Variants in FNBP4 observed in about 807,000 individuals in gnomAD.
The protein encoded by FNBP4 is formin-binding protein 4.
Under a neutral mutation model 119.3 loss-of-function variants are expected in FNBP4, and 34 were observed. That is an observed-to-expected ratio of 0.28 (90% CI 0.22 to 0.38). FNBP4 has a LOEUF of 0.38. FNBP4 is among the 10% of genes least tolerant of loss of function. The pLI, the probability that FNBP4 is intolerant of heterozygous loss-of-function variation, is 1.00. For synonymous variants in FNBP4, 462 were observed against 430.6 expected, an observed-to-expected ratio of 1.07 and a Z score of -0.90; for missense variants, 1,112 against 1,228.9, an observed-to-expected ratio of 0.90 and a Z score of 1.42.
intron 8 of FNBP4, among the ~76,000 whole-genome samples, chr11:47,740,497 C>T (rs2097580403): frequency 6.6e-6 from 1 of 151,580 alleles, no homozygotes; most frequent in Non-Finnish European, 1.5e-5. Context: ...TCTCTGCCAT[C>T]ACAGCCACAC....
At chr11:47,766,761 C>A (rs2097648485) in intron 1 of FNBP4, among the ~76,000 whole-genome samples, 1 of 152,278 alleles carries the variant, frequency 6.6e-6, no homozygotes, top group East Asian at 1.9e-4. Context: ...CCACCCTCTG[C>A]GTTACCCAAA....
At chr11:47,749,155 T>C (rs2097596735) in intron 6 of FNBP4, among the ~76,000 whole-genome samples, 1 of 152,042 alleles carries the variant, frequency 6.6e-6, no homozygotes, top group Admixed American at 6.6e-5. Flanking sequence ...ACACCTGTAG[T>C]CCCAGCTACT....
chr11:47,721,230 C>T (rs572318898), intron 15 of FNBP4, among the ~76,000 whole-genome samples: 5 of 149,718 alleles, frequency 3.3e-5, no homozygotes, highest in East Asian at 3.9e-4. Context: ...TCAGCCTGGG[C>T]GACAGAGCAA....
chr11:47,748,253 TAATAAAAATAAAA>T (rs1369479584), intron 6 of FNBP4, among the ~76,000 whole-genome samples: 106 of 150,236 alleles, frequency 7.1e-4, no homozygotes, highest in African/African-American at 2.5e-3. Context: ...AAAAAAAAAA[TAATAAAAATAAAA>T]AATAAAAATA....
At chr11:47,764,509 C>A (rs1236312546) in intron 2 of FNBP4, among the ~76,000 whole-genome samples, 1 of 150,816 alleles carries the variant, frequency 6.6e-6, no homozygotes, top group Non-Finnish European at 1.5e-5. Context: ...CTAACCCACA[C>A]TGGGGTGTTT....
At chr11:47,729,195 C>T (rs2097564686) in intron 12 of FNBP4, 1 of 985,132 alleles carries the variant, frequency 1.0e-6, no homozygotes, top group African/African-American at 1.7e-5. Context: ...CCTTAATTTT[C>T]CCCCCAAAGA....
In FNBP4 at chr11:47,729,208, AATT is replaced by A. The variant is rs1200785126; in HGVS notation, c.2008+2163_2008+2165del. On this transcript the variant is annotated intron_variant, in intron 12 of 16. Coordinates refer to ENST00000263773, the MANE Select transcript of FNBP4 (RefSeq NM_015308.5). ...TTCCTTAATTTTCCCCCCAAAGAGA[AATT>A]ATTGTTTAGTATTTTGAATGAAGAG... is the stretch of plus-strand genomic sequence containing the variant. The A allele has an allele frequency of 5.1e-6, 5 of 985,234 alleles. No homozygotes were observed. In the African/African-American group the frequency reaches 8.7e-5, roughly 17 times the overall value. 61.0% of individuals were successfully genotyped at this position (985,234 alleles called of 1,614,324 possible).
Position 47,720,033 on chromosome 11 carries a change from G to A in FNBP4, c.2859C>T (p.Ile953=). Residue 953 remains isoleucine, a synonymous_variant, in exon 16 of 17, where the codon ATC becomes ATT. Transcript: ENST00000263773. ...TGTCCTCTTCATCTAACTCACGCTG[G>A]ATACTCTGCCACTTTTTTACCAAAG... ...MPSLVKKWQS[I]QRELDEEDNS... is the part of the protein sequence containing the mutation. 6.2e-7 allele frequency: 1 copy of A among 1,614,004 alleles called. No individual in the cohort carries two copies. Among genetic ancestry groups the A allele is most frequent in the South Asian group, 1.1e-5 (1 of 91,080 alleles).
chr11:47,734,075 T>C lies in FNBP4; in HGVS notation c.1636A>G (p.Ile546Val). The C allele has an allele frequency of 6.3e-7, 1 of 1,597,874 alleles. No homozygotes were observed. Among genetic ancestry groups the C allele is most frequent in the Non-Finnish European group, 8.5e-7 (1 of 1,176,554 alleles). Residue 546 changes from isoleucine to valine, a missense_variant, in exon 10 of 17, where the codon ATT becomes GTT. Around this residue, in one of 2 missense-constraint regions of FNBP4, gnomAD observed 826 missense variants for 988.8 expected, o/e 0.84. Transcript: ENST00000263773. ...TLTSKFEFLG[I>V]NRQSISNFHV... is the part of the protein sequence containing the mutation. ...AAGTTGGAGATGGATTGTCTATTAA[T>C]GCCTAGAAACTCGAATTTACTTGTC...
At chr11:47,733,835 G>T (rs779289588) in intron 10 of FNBP4, among the ~76,000 whole-genome samples, 190 bp downstream of exon 10, 11 of 151,968 alleles carry the variant, frequency 7.2e-5, no homozygotes, top group Non-Finnish European at 1.5e-4. Context: ...TTTAATTTGT[G>T]AGAAAAAAGT....
At chr11:47,755,444 C>T (rs375141215) in intron 2 of FNBP4, among the ~76,000 whole-genome samples, 5 of 151,512 alleles carry the variant, frequency 3.3e-5, no homozygotes, top group South Asian at 4.1e-4. Flanking sequence ...AGTGAAAATC[C>T]GTCTCAAAAT....
intron 9 of FNBP4, 44 bp downstream of exon 9, chr11:47,736,572 A>G (rs756425478): frequency 1.4e-6 from 2 of 1,468,574 alleles, no homozygotes; most frequent in Admixed American, 4.1e-5. Flanking sequence ...AATAATGATA[A>G]TAATAATAAA....
At position 47,767,153 on chromosome 11, in the gene FNBP4, G is replaced by A. The variant is rs2097649436; in HGVS notation, c.136C>T (p.Pro46Ser). Residue 46 changes from proline to serine, a missense_variant, in exon 1 of 17, where the codon CCC (proline) becomes TCC (serine). By Grantham distance (74) the Pro-to-Ser change is moderately conservative. Around this residue, in one of 2 missense-constraint regions of FNBP4, gnomAD observed 286 missense variants for 240.1 expected, o/e 1.19. Coordinates refer to ENST00000263773, the MANE Select transcript of FNBP4 (RefSeq NM_015308.5). Reference protein sequence around the residue: ...DTEPDSTAAVPSQPAPSAATT... With the variant: ...DTEPDSTAAVSSQPAPSAATT... Reference sequence around the variant, plus strand: ...GCCGCCGACGGGGCGGGCTGGCTGGGGACCGCCGCGGTTGAGTCCGGCTCA... The same window carrying A: ...GCCGCCGACGGGGCGGGCTGGCTGGAGACCGCCGCGGTTGAGTCCGGCTCA... 6.5e-7 allele frequency: 1 copy of A among 1,546,684 alleles called. No homozygotes were observed. The highest frequency in any genetic ancestry group is 8.7e-7 in the Non-Finnish European group (1 of 1,151,306).
rs772426336 is a variant in FNBP4, at chr11:47,717,324, C to T, written c.*98G>A. 1.8e-5 allele frequency: 14 copies of T among 761,944 alleles called. No individual in the cohort carries two copies. Among genetic ancestry groups the T allele is most frequent in the African/African-American group, 3.5e-5 (2 of 56,752 alleles). 47.2% of individuals were successfully genotyped at this position (761,944 alleles called of 1,614,324 possible). On this transcript the variant is annotated 3_prime_UTR_variant, in exon 17 of 17. Transcript: ENST00000263773. ...GCCCAGGAAATTTATAAGATCTCCC[C>T]CATAACATTTATAGTTTATTTGACA... is the stretch of plus-strand genomic sequence containing the variant.
chr11:47,741,709 G>A (rs534457438), intron 8 of FNBP4, among the ~76,000 whole-genome samples: 1 of 152,188 alleles, frequency 6.6e-6, no homozygotes, highest in Non-Finnish European at 1.5e-5. Context: ...CCAGCTACTC[G>A]GGCGGCTGAG....
intron 2 of FNBP4, 44 bp from the exon 3 acceptor site, chr11:47,754,708 T>C: frequency 6.2e-7 from 1 of 1,605,662 alleles, no homozygotes; most frequent in Non-Finnish European, 8.5e-7. Context: ...ACAATGTCAA[T>C]ATGTCCTAAG....
intron 2 of FNBP4, among the ~76,000 whole-genome samples, chr11:47,762,727 A>G (rs1708101345): frequency 6.6e-6 from 1 of 151,718 alleles, no homozygotes; most frequent in African/African-American, 2.4e-5. Context: ...AGCCTGGCCA[A>G]CATGGTGAAC....
intron 8 of FNBP4, among the ~76,000 whole-genome samples, chr11:47,743,410 G>C (rs1215492551): frequency 2.0e-5 from 3 of 152,192 alleles, no homozygotes; most frequent in African/African-American, 7.2e-5. Flanking sequence ...TTGAATCTGG[G>C]AGGCGGAGGT....
chr11:47,723,086 T>C lies in FNBP4; in HGVS notation c.2695A>G (p.Thr899Ala). The change falls in exon 15 of 17, where the codon ACC becomes GCC. Residue 899 changes from threonine to alanine, a missense_variant. Physicochemically the swap from Thr to Ala is moderately conservative, Grantham distance 58. Coordinates refer to ENST00000263773, the MANE Select transcript of FNBP4 (RefSeq NM_015308.5). ...QPVQARGAVP[T>A]ATIIEPPPPP... ...GGTGGTGGTTCTATAATGGTAGCGG[T>C]AGGCACAGCACCTCGGGCCTGAACT... 6.2e-7 allele frequency: 1 copy of C among 1,612,618 alleles called. No individual in the cohort carries two copies. The highest frequency in any genetic ancestry group is 8.5e-7 in the Non-Finnish European group (1 of 1,179,390).
Sources: gnomAD v4.1 joint callset for allele counts (sites outside exome capture counted in the v4.1 genomes callset) on GRCh38, gnomAD v4.1.1 for gene constraint, gnomAD v4.1.1 regional missense constraint, MANE v1.5 for transcripts, NCBI Gene and HGNC (gene_info 2026-07-23, HGNC 2026-07-21) for gene names.